PATJ: variants seen among roughly 807,000 people sequenced by gnomAD.
PATJ encodes PATJ crumbs cell polarity complex component.
PATJ carries 190 observed loss-of-function variants against 224.9 expected under a neutral mutation model. That is an observed-to-expected ratio of 0.84 (90% CI 0.75 to 0.95). PATJ has a LOEUF of 0.95. Among genes scored for constraint, PATJ ranks in the 40% least tolerant of loss-of-function variants. PATJ has a pLI of 0.00. For synonymous variants in PATJ, 769 were observed against 820.3 expected (o/e 0.94, Z 1.07); for missense variants, 2,121 against 2,270.3 (o/e 0.93, Z 1.34).
intron 28 of PATJ, among the ~76,000 whole-genome samples, chr1:62,003,906 C>T (rs1485513240): frequency 6.6e-6 from 1 of 152,166 alleles, no homozygotes; most frequent in Non-Finnish European, 1.5e-5. Context: ...CTCCTCCCCA[C>T]CCCGAAAGCT....
At chr1:61,912,128 T>C (rs956172984) in intron 25 of PATJ, among the ~76,000 whole-genome samples, 1 of 152,098 alleles carries the variant, frequency 6.6e-6, no homozygotes, top group Non-Finnish European at 1.5e-5. Flanking sequence ...TCTATAAGGG[T>C]ACCTACTTTT....
At chr1:61,896,019 C>A (rs11207861) in intron 22 of PATJ, among the ~76,000 whole-genome samples, 13,468 of 152,182 alleles carry the variant, frequency 0.088, 748 homozygotes, top group South Asian at 0.25. Context: ...ATGATTATGG[C>A]CAGGCGGTTG....
At chr1:62,029,536 G>A (rs1197487768) in intron 29 of PATJ, among the ~76,000 whole-genome samples, 1 of 152,104 alleles carries the variant, frequency 6.6e-6, no homozygotes, top group African/African-American at 2.4e-5. Flanking sequence ...TTGAATTATG[G>A]TTACACCTTT....
intron 20 of PATJ, among the ~76,000 whole-genome samples, 156 bp from the exon 21 acceptor site, chr1:61,875,087 C>T (rs554199612): frequency 4.6e-5 from 7 of 152,342 alleles, no homozygotes; most frequent in African/African-American, 1.4e-4. Flanking sequence ...TTGTTACCAG[C>T]ATTTGTTACT....
chr1:61,765,475 C>T (rs1013895323), intron 3 of PATJ, among the ~76,000 whole-genome samples: 3 of 151,764 alleles, frequency 2.0e-5, no homozygotes, highest in South Asian at 2.1e-4. Context: ...CCTCCACCTG[C>T]GGGATTCAAG....
At chr1:61,798,469 G>T (rs1294437425) in intron 11 of PATJ, among the ~76,000 whole-genome samples, 1 of 152,124 alleles carries the variant, frequency 6.6e-6, no homozygotes, top group Non-Finnish European at 1.5e-5. Flanking sequence ...AAACTACTGG[G>T]ATTACAGGTG....
chr1:61,859,742 C>T (rs1557769515), intron 18 of PATJ, among the ~76,000 whole-genome samples: 1 of 152,140 alleles, frequency 6.6e-6, no homozygotes, highest in African/African-American at 2.4e-5. Flanking sequence ...GCCTCAGCCT[C>T]CCGAGTAGCT....
intron 33 of PATJ, among the ~76,000 whole-genome samples, chr1:62,098,559 C>G (rs754746596): frequency 4.0e-5 from 6 of 151,330 alleles, no homozygotes; most frequent in Non-Finnish European, 8.8e-5. Flanking sequence ...TGTGCCATTG[C>G]ACTCCAGTCT....
intron 7 of PATJ, among the ~76,000 whole-genome samples, chr1:61,781,250 G>A (rs1647271083): frequency 6.6e-6 from 1 of 152,156 alleles, no homozygotes. Context: ...TCAACAGGGA[G>A]TAGCCAGCTC....
At chr1:62,075,524 A>C (rs1271009182) in intron 31 of PATJ, among the ~76,000 whole-genome samples, 1 of 152,226 alleles carries the variant, frequency 6.6e-6, no homozygotes, top group African/African-American at 2.4e-5. Flanking sequence ...CACACAGCTA[A>C]TTAGTGATAG....
chr1:62,154,559 GCTGAGA>G (rs1459056434), intron 43 of PATJ, among the ~76,000 whole-genome samples: 1 of 151,190 alleles, frequency 6.6e-6, no homozygotes, highest in Admixed American at 6.6e-5. Context: ...TACTTGGGAG[GCTGAGA>G]CATGAAAATC....
rs1315887673 is a variant in PATJ, at chr1:61,812,431, A to AGT, written c.1683+3902_1683+3903insTG. On this transcript the variant is annotated intron_variant, in intron 14 of 43. Transcript: ENST00000642238. ...CTGAGAGAGAGAGAGAGAGAGAGAG[A>AGT]GAGTGTGTGTGTGTGTGTGTGTGTG... Among the ~76,000 whole-genome samples, 352 of 109,076 alleles carry AGT rather than the reference A, an allele frequency of 3.2e-3. 2 individuals carry two copies. The highest frequency in any genetic ancestry group is 0.011 in the African/African-American group (315 of 28,300). The allele number at this position is 109,076 out of a possible 152,430, so 71.6% of individuals were successfully genotyped here. A position where few individuals can be genotyped will look rare whatever the true frequency, so the allele number is the denominator to read the frequency against.
At chr1:62,062,257 T>G (rs12753735) in intron 31 of PATJ, among the ~76,000 whole-genome samples, 2 of 139,590 alleles carry the variant, frequency 1.4e-5, no homozygotes, top group Admixed American at 6.8e-5. Flanking sequence ...CTAACATCTG[T>G]TTTTTTTTAT....
At chr1:61,997,705 C>T (rs1044951989) in intron 28 of PATJ, among the ~76,000 whole-genome samples, 4 of 151,698 alleles carry the variant, frequency 2.6e-5, no homozygotes, top group African/African-American at 9.7e-5. Flanking sequence ...TTATCCAGTA[C>T]TAGTTTAAAA....
intron 1 of PATJ, among the ~76,000 whole-genome samples, chr1:61,753,945 T>TG (rs1046228922): frequency 2.0e-5 from 3 of 152,062 alleles, no homozygotes; most frequent in African/African-American, 7.2e-5. Context: ...CTCCGTTAAT[T>TG]GGCGTTGGCC....
chr1:62,102,102 C>A (rs1172026152), intron 33 of PATJ, among the ~76,000 whole-genome samples: 2 of 151,904 alleles, frequency 1.3e-5, no homozygotes, highest in African/African-American at 2.4e-5. Context: ...TCACTTGAGC[C>A]CAGGAGGTCA....
chr1:61,752,315 T>TC (rs1357710420), intron 1 of PATJ, among the ~76,000 whole-genome samples: 14 of 116,572 alleles, frequency 1.2e-4, no homozygotes, highest in African/African-American at 3.8e-4. Context: ...TTCTTTCTTT[T>TC]TTTTTTTTTT....
chr1:61,893,851 C>CTT (rs541963913), intron 22 of PATJ, among the ~76,000 whole-genome samples: 1 of 144,386 alleles, frequency 6.9e-6, no homozygotes, highest in African/African-American at 2.5e-5. Context: ...AAATACCTGC[C>CTT]TTTTTTTTTT....
chr1:61,888,580 T>C (rs904004145), intron 22 of PATJ, among the ~76,000 whole-genome samples: 6 of 152,232 alleles, frequency 3.9e-5, no homozygotes, highest in African/African-American at 1.4e-4. Context: ...CATTGTTTTT[T>C]AAATTTCTCT....
Sources: gnomAD v4.1 joint callset for allele counts (sites outside exome capture counted in the v4.1 genomes callset) on GRCh38, gnomAD v4.1.1 for gene constraint, MANE v1.5 for transcripts, NCBI Gene and HGNC (gene_info 2026-07-23, HGNC 2026-07-21) for gene names.